Variants in TEAD1 observed in about 807,000 individuals in gnomAD.
The protein encoded by TEAD1 is transcriptional enhancer factor TEF-1.
In TEAD1, 9 loss-of-function variants were observed where a neutral mutation model predicts 54.9. The observed-to-expected ratio is 0.16, with a 90% confidence interval of 0.10 to 0.29. The LOEUF (loss-of-function observed/expected upper bound fraction) is 0.29. Ranked by LOEUF, TEAD1 falls within the 10% of genes least tolerant of loss-of-function variation. TEAD1 has a pLI of 1.00. For missense variants in TEAD1, 387 were observed against 535.9 expected (o/e 0.72, Z 2.74); for synonymous variants, 200 against 187.8 (o/e 1.07, Z -0.53).
chr11:12,751,026 C>T (rs928305912), intron 2 of TEAD1, among the ~76,000 whole-genome samples: 1 of 152,102 alleles, frequency 6.6e-6, no homozygotes, highest in South Asian at 2.1e-4. Flanking sequence ...AGAAAAATGA[C>T]TGGGCTGGGT....
At chr11:12,719,581 A>C (rs867907876) in intron 2 of TEAD1, among the ~76,000 whole-genome samples, 976 of 40,526 alleles carry the variant, frequency 0.024, 22 homozygotes, top group African/African-American at 0.076. Context: ...TTTTGGGGGG[A>C]GGGGGGGCGG....
At chr11:12,706,606 C>T (rs1393693775) in intron 2 of TEAD1, among the ~76,000 whole-genome samples, 2 of 152,154 alleles carry the variant, frequency 1.3e-5, no homozygotes, top group Non-Finnish European at 2.9e-5. Context: ...AAAGACATTG[C>T]CCTTGATATT....
intron 2 of TEAD1, among the ~76,000 whole-genome samples, chr11:12,681,047 C>G (rs1943210238): frequency 6.6e-6 from 1 of 152,306 alleles, no homozygotes; most frequent in Non-Finnish European, 1.5e-5. Flanking sequence ...CTCTTTCAAT[C>G]CTTTCTCCCT....
chr11:12,703,302 T>C (rs1231059868), intron 2 of TEAD1, among the ~76,000 whole-genome samples: 1 of 152,198 alleles, frequency 6.6e-6, no homozygotes, highest in African/African-American at 2.4e-5. Flanking sequence ...GCTCTGCCAC[T>C]GACAATACAT....
At chr11:12,829,929 A>G (rs2134015785) in intron 3 of TEAD1, among the ~76,000 whole-genome samples, 1 of 152,304 alleles carries the variant, frequency 6.6e-6, no homozygotes, top group Admixed American at 6.5e-5. Context: ...GTAGGAGTTC[A>G]TAGCTGTCCA....
intron 3 of TEAD1, among the ~76,000 whole-genome samples, chr11:12,803,996 G>A (rs1946118313): frequency 6.6e-6 from 1 of 152,200 alleles, no homozygotes; most frequent in African/African-American, 2.4e-5. Context: ...TTAGAATTTG[G>A]TGGTGTACAT....
chr11:12,902,237 A>C, intron 10 of TEAD1, 124 bp downstream of exon 10: 1 of 1,333,250 alleles, frequency 7.5e-7, no homozygotes, highest in South Asian at 1.2e-5. Context: ...GCTTCTGCAC[A>C]ATTGCCAAGG....
intron 3 of TEAD1, among the ~76,000 whole-genome samples, chr11:12,824,027 G>A (rs1411904723): frequency 2.6e-5 from 4 of 152,130 alleles, no homozygotes; most frequent in Non-Finnish European, 2.9e-5. Flanking sequence ...AAATGAGAAC[G>A]TCTGTAAAAT....
At chr11:12,832,290 A>G (rs1179831130) in intron 3 of TEAD1, among the ~76,000 whole-genome samples, 7 of 152,220 alleles carry the variant, frequency 4.6e-5, no homozygotes, top group African/African-American at 1.7e-4. Flanking sequence ...ACATTGTCAG[A>G]GACGGTTGTT....
At chr11:12,814,765 C>A (rs1946378170) in intron 3 of TEAD1, among the ~76,000 whole-genome samples, 1 of 149,492 alleles carries the variant, frequency 6.7e-6, no homozygotes, top group Non-Finnish European at 1.5e-5. Context: ...CACCCCTGAC[C>A]ATCGCAGAGC....
intron 3 of TEAD1, among the ~76,000 whole-genome samples, chr11:12,802,736 C>T (rs1173121141): frequency 1.3e-5 from 2 of 152,142 alleles, no homozygotes; most frequent in South Asian, 2.1e-4. Context: ...CAGATATGAG[C>T]GATGTGCCGA....
chr11:12,862,959 C>T (rs1947537349), intron 4 of TEAD1, among the ~76,000 whole-genome samples: 2 of 151,308 alleles, frequency 1.3e-5, no homozygotes, highest in Admixed American at 1.3e-4. Context: ...AAATCTCTGA[C>T]ATGAGCCAGT....
In TEAD1 at chr11:12,937,363, T is replaced by C; in HGVS notation, c.*141T>C. 1 of 644,338 alleles carries C rather than the reference T, an allele frequency of 1.6e-6. No homozygotes were observed. The highest frequency in any genetic ancestry group is 2.7e-6 in the Non-Finnish European group (1 of 365,156). 39.9% of individuals were successfully genotyped at this position (644,338 alleles called of 1,614,324 possible). Reference sequence around the variant, plus strand: ...CCTGGCCCCGAGGTCACCCCGACTTTTCTAAATCTTGTTTGAGTGAAGTCA... The same window carrying C: ...CCTGGCCCCGAGGTCACCCCGACTTCTCTAAATCTTGTTTGAGTGAAGTCA... On this transcript the variant is annotated 3_prime_UTR_variant, in exon 13 of 13. Coordinates refer to ENST00000527636, the MANE Select transcript of TEAD1 (RefSeq NM_021961.6).
At chr11:12,781,964 AAAAAAAAGAAAG>A (rs1380786987) in intron 3 of TEAD1, among the ~76,000 whole-genome samples, 1 of 141,954 alleles carries the variant, frequency 7.0e-6, no homozygotes, top group East Asian at 1.9e-4. Context: ...AAAAAAAAAA[AAAAAAAAGAAAG>A]AAAAAAAGAA....
At position 12,900,864 on chromosome 11, in the gene TEAD1, C is replaced by G. The variant is rs190600947; in HGVS notation, c.700-1076C>G. On this transcript the variant is annotated intron_variant, in intron 9 of 12. Coordinates refer to ENST00000527636, the MANE Select transcript of TEAD1 (RefSeq NM_021961.6). ...AGGCGGATGGAGTTTCTCAGTGAAC[C>G]CTATTTGGTTCTGAGGCCCATGGAG... Among the ~76,000 whole-genome samples, 291 of 152,162 alleles carry G rather than the reference C, an allele frequency of 1.9e-3. 2 individuals carry two copies. The highest frequency in any genetic ancestry group is 0.014 in the Middle Eastern group (4 of 294).
At chr11:12,736,677 A>G (rs948764882) in intron 2 of TEAD1, among the ~76,000 whole-genome samples, 5 of 152,214 alleles carry the variant, frequency 3.3e-5, no homozygotes, top group Non-Finnish European at 7.3e-5. Context: ...TATGGAGTGC[A>G]GTAGGCTCCA....
intron 2 of TEAD1, among the ~76,000 whole-genome samples, chr11:12,749,663 C>T (rs1259928286): frequency 2.6e-5 from 4 of 152,190 alleles, no homozygotes; most frequent in South Asian, 2.1e-4. Context: ...ACTTTCTGTC[C>T]GTACCTCTCT....
Position 12,883,111 on chromosome 11 carries a change from C to T in TEAD1, c.685C>T (p.Arg229Ter), listed in dbSNP as rs1948003603. Residue 229 changes from arginine (R) to a stop codon, truncating the protein, a stop_gained, in exon 9 of 13, where the codon CGA (arginine) becomes TGA (stop). Transcript: ENST00000527636. LOFTEE classifies it high-confidence loss of function. ...ATTTTCAGCTTTTCTCGAGCAGCAG[C>T]GAGACCCAGACTCGGTGAGTGTGCC... 1.2e-6 allele frequency: 2 copies of T among 1,614,178 alleles called. No homozygotes were observed. Among genetic ancestry groups the T allele is most frequent in the Non-Finnish European group, 1.7e-6 (2 of 1,180,040 alleles).
At chr11:12,897,214 C>T (rs1255050232) in intron 9 of TEAD1, among the ~76,000 whole-genome samples, 4 of 152,050 alleles carry the variant, frequency 2.6e-5, no homozygotes, top group Admixed American at 2.6e-4. Flanking sequence ...TATGTGCCAC[C>T]TTCACTTTTG....
Sources: gnomAD v4.1 joint callset for allele counts (sites outside exome capture counted in the v4.1 genomes callset) on GRCh38, gnomAD v4.1.1 for gene constraint, MANE v1.5 for transcripts, NCBI Gene and HGNC (gene_info 2026-07-23, HGNC 2026-07-21) for gene names.